The following KIAA1217 variants were observed in gnomAD, a reference collection of about 807,000 sequenced individuals.
KIAA1217 encodes KIAA1217, also known as sickle tail protein homolog.
In KIAA1217, 88 loss-of-function variants were observed where a neutral mutation model predicts 163.9. That is an observed-to-expected ratio of 0.54 (90% CI 0.45 to 0.64). The LOEUF (loss-of-function observed/expected upper bound fraction) is 0.64. Ranked by LOEUF, KIAA1217 falls within the 30% of genes least tolerant of loss-of-function variation. KIAA1217 has a pLI of 0.00. For missense variants in KIAA1217, 2,372 were observed against 2,475.0 expected, an observed-to-expected ratio of 0.96 and a Z score of 0.88; for synonymous variants, 903 against 923.1, an observed-to-expected ratio of 0.98 and a Z score of 0.39.
chr10:23,999,118 T>C (rs1241809900), intron 1 of KIAA1217, among the ~76,000 whole-genome samples: 1 of 152,240 alleles, frequency 6.6e-6, no homozygotes, highest in Non-Finnish European at 1.5e-5. Context: ...AGAAAACAAC[T>C]GCATTGCCTT....
At chr10:23,841,725 A>C (rs1010382905) in intron 1 of KIAA1217, among the ~76,000 whole-genome samples, 3 of 152,128 alleles carry the variant, frequency 2.0e-5, no homozygotes, top group African/African-American at 7.2e-5. Flanking sequence ...TTTAAACTTA[A>C]TGGGTAATTT....
intron 5 of KIAA1217, among the ~76,000 whole-genome samples, chr10:24,455,265 A>G (rs2061680213): frequency 6.6e-6 from 1 of 152,190 alleles, no homozygotes; most frequent in South Asian, 2.1e-4. Flanking sequence ...ATTTTTATCG[A>G]CAGATATGTA....
chr10:23,973,979 T>A (rs557980795), intron 1 of KIAA1217, among the ~76,000 whole-genome samples: 2 of 152,168 alleles, frequency 1.3e-5, no homozygotes, highest in African/African-American at 4.8e-5. Context: ...ATGTTTAAAA[T>A]GTTGAAAATG....
intron 2 of KIAA1217, among the ~76,000 whole-genome samples, chr10:24,167,413 T>G (rs2065409060): frequency 6.6e-6 from 1 of 151,990 alleles, no homozygotes; most frequent in Non-Finnish European, 1.5e-5. Flanking sequence ...ATTGGTGAAG[T>G]CATTTGTTGG....
At chr10:24,075,739 G>A (rs2061348827) in intron 2 of KIAA1217, among the ~76,000 whole-genome samples, 1 of 151,834 alleles carries the variant, frequency 6.6e-6, no homozygotes, top group Non-Finnish European at 1.5e-5. Context: ...AAGTAGCTGG[G>A]ATTACAGGCG....
chr10:23,888,757 C>T (rs1364492706), intron 1 of KIAA1217, among the ~76,000 whole-genome samples: 3 of 151,712 alleles, frequency 2.0e-5, no homozygotes, highest in Admixed American at 6.6e-5. Context: ...AGTAAATGTA[C>T]CCATTTAAAA....
chr10:24,546,269 C>T lies in KIAA1217; in HGVS notation c.5777C>T (p.Ala1926Val), dbSNP rs780886798. ...ACTCCCAGCCTCACCAGCTACAAGG[C>T]ACAGAATGGAAGTTCAAGCAAAGCC... The part of the protein sequence containing the change: ...IHTPSLTSYK[A>V]QNGSSSKATP... The change falls in exon 21 of 21, where the codon GCA becomes GTA. Residue 1926 changes from alanine to valine, a missense_variant. Physicochemically the swap from Ala to Val is moderately conservative, Grantham distance 64. Around this residue, in one of 3 missense-constraint regions of KIAA1217, gnomAD observed 690 missense variants for 677.5 expected, o/e 1.02. Transcript: ENST00000376454. The T allele has an allele frequency of 6.2e-7, 1 of 1,613,966 alleles. No homozygotes were observed. Among genetic ancestry groups the T allele is most frequent in the South Asian group, 1.1e-5 (1 of 91,056 alleles).
At chr10:23,933,776 CAT>C (rs1430395414) in intron 1 of KIAA1217, among the ~76,000 whole-genome samples, 1 of 152,116 alleles carries the variant, frequency 6.6e-6, no homozygotes, top group South Asian at 2.1e-4. Flanking sequence ...AACCAACAAA[CAT>C]ATAAAAAAAA....
intron 1 of KIAA1217, among the ~76,000 whole-genome samples, chr10:23,891,843 C>T (rs1359722812): frequency 2.0e-5 from 3 of 151,880 alleles, no homozygotes; most frequent in East Asian, 1.9e-4. Context: ...AAATAGCCAA[C>T]GTGAAATATA....
intron 1 of KIAA1217, among the ~76,000 whole-genome samples, chr10:23,759,718 C>G (rs1369099716): frequency 6.6e-6 from 1 of 152,198 alleles, no homozygotes; most frequent in Non-Finnish European, 1.5e-5. Context: ...AGAACGATGT[C>G]TGACAGACTT....
intron 2 of KIAA1217, among the ~76,000 whole-genome samples, chr10:24,188,198 A>G (rs2066534725): frequency 6.6e-6 from 1 of 152,180 alleles, no homozygotes; most frequent in African/African-American, 2.4e-5. Flanking sequence ...AAAAAGAAAG[A>G]AAAGAAGGCA....
chr10:24,077,771 A>G (rs1428387248), intron 2 of KIAA1217, among the ~76,000 whole-genome samples: 1 of 152,232 alleles, frequency 6.6e-6, no homozygotes, highest in Admixed American at 6.5e-5. Flanking sequence ...ATCTTCCAAA[A>G]TGGTTCAGCT....
intron 2 of KIAA1217, among the ~76,000 whole-genome samples, chr10:24,124,685 T>G (rs892254282): frequency 3.2e-4 from 48 of 152,178 alleles, no homozygotes; most frequent in African/African-American, 1.1e-3. Flanking sequence ...TTTATTGAGA[T>G]GAACTTGTTT....
intron 1 of KIAA1217, among the ~76,000 whole-genome samples, chr10:23,923,967 C>G (rs1842934951): frequency 6.6e-6 from 1 of 151,928 alleles, no homozygotes; most frequent in Non-Finnish European, 1.5e-5. Context: ...TTGCAAATAC[C>G]TATTCATATA....
intron 1 of KIAA1217, among the ~76,000 whole-genome samples, chr10:23,932,968 T>C (rs947050966): frequency 2.0e-5 from 3 of 152,194 alleles, no homozygotes; most frequent in African/African-American, 7.2e-5. Flanking sequence ...ACAGGTAAAT[T>C]GAATACCATA....
chr10:24,462,636 C>A (rs2062529575), intron 5 of KIAA1217, among the ~76,000 whole-genome samples: 1 of 152,150 alleles, frequency 6.6e-6, no homozygotes, highest in Non-Finnish European at 1.5e-5. Context: ...TGTTCTATGT[C>A]TTTCACTGAG....
chr10:24,429,764 G>A (rs534167257), intron 3 of KIAA1217, among the ~76,000 whole-genome samples: 40 of 152,220 alleles, frequency 2.6e-4, no homozygotes, highest in African/African-American at 3.9e-4. Context: ...AGGGAGGCAC[G>A]GTTGTAATTT....
At chr10:23,998,894 T>C (rs1189713815) in intron 1 of KIAA1217, among the ~76,000 whole-genome samples, 1 of 152,080 alleles carries the variant, frequency 6.6e-6, no homozygotes, top group Non-Finnish European at 1.5e-5. Context: ...TGTTTGGCTA[T>C]GGTTTTTATT....
intron 1 of KIAA1217, among the ~76,000 whole-genome samples, chr10:23,898,540 A>T (rs1841808333): frequency 6.6e-6 from 1 of 152,082 alleles, no homozygotes; most frequent in African/African-American, 2.4e-5. Context: ...AAATGTCATT[A>T]TACTTTGTGT....
Sources: allele counts gnomAD v4.1 joint callset (sites outside exome capture counted in the v4.1 genomes callset), GRCh38; gene constraint gnomAD v4.1.1; regional missense constraint gnomAD v4.1.1; transcripts MANE v1.5; gene names NCBI Gene and HGNC (gene_info 2026-07-23, HGNC 2026-07-21).